The following CNTRL variants were observed in gnomAD, a reference collection of about 807,000 sequenced individuals.
CNTRL encodes centriolin, also known as 110 kDa centrosomal protein.
In CNTRL, 233 loss-of-function variants were observed where a neutral mutation model predicts 303.7. The ratio of observed to expected loss-of-function variants is 0.77; its 90% CI spans 0.69 to 0.86. The LOEUF (loss-of-function observed/expected upper bound fraction) is 0.86. Among genes scored for constraint, CNTRL ranks in the 40% least tolerant of loss-of-function variants. The pLI is 0.00. For missense variants in CNTRL, 2,524 were observed against 2,650.6 expected (o/e 0.95, Z 1.05); for synonymous variants, 900 against 922.2 (o/e 0.98, Z 0.44).
chr9:121,147,566 A>G (rs2051953190), intron 23 of CNTRL, among the ~76,000 whole-genome samples: 1 of 152,178 alleles, frequency 6.6e-6, no homozygotes, highest in Non-Finnish European at 1.5e-5. Context: ...AAAGGATGTT[A>G]AAGAGAAATG....
intron 22 of CNTRL, 32 bp downstream of exon 22, chr9:121,145,417 G>T: frequency 6.4e-7 from 1 of 1,555,984 alleles, no homozygotes; most frequent in African/African-American, 1.4e-5. Flanking sequence ...TTTGGCAGTG[G>T]TTTTGTAGTC....
At chr9:121,146,461 G>A (rs1342118348) in intron 23 of CNTRL, among the ~76,000 whole-genome samples, 1 of 152,180 alleles carries the variant, frequency 6.6e-6, no homozygotes, top group Non-Finnish European at 1.5e-5. Context: ...ATACTCGGGC[G>A]GTATGTGTTA....
intron 13 of CNTRL, among the ~76,000 whole-genome samples, chr9:121,124,793 T>G (rs1277843433): frequency 1.5e-5 from 2 of 133,228 alleles, no homozygotes; most frequent in Admixed American, 7.8e-5. Context: ...AAAAAAAAAA[T>G]TAGCCAGGCG....
chr9:121,146,525 C>T (rs911464465), intron 23 of CNTRL, among the ~76,000 whole-genome samples: 2 of 152,142 alleles, frequency 1.3e-5, no homozygotes, highest in African/African-American at 4.8e-5. Flanking sequence ...GCCCAGAGAG[C>T]CTGCTGAAAT....
chr9:121,158,665 G>A lies in CNTRL; in HGVS notation c.4765-190G>A, dbSNP rs780059519. ...TCTTACTGTGATCACTGTGATTTGA[G>A]TGGTTTTAAGTATGTGAGCTCAAGG... On this transcript the variant is annotated intron_variant, in intron 30 of 43. Coordinates refer to ENST00000373855, the MANE Select transcript of CNTRL (RefSeq NM_007018.6). 27 of 563,048 alleles carry A rather than the reference G, an allele frequency of 4.8e-5. No individual in the cohort carries two copies. The Admixed American group carries it at 6.2e-4, about 13-fold the overall frequency. 34.9% of individuals were successfully genotyped at this position (563,048 alleles called of 1,614,324 possible).
chr9:121,167,788 C>CAT, intron 37 of CNTRL, 111 bp downstream of exon 37: 1 of 905,160 alleles, frequency 1.1e-6, no homozygotes, highest in Non-Finnish European at 1.7e-6. Flanking sequence ...ACTATGTGTC[C>CAT]CTTAACTGCC....
chr9:121,107,141 C>G (rs1327636586), intron 7 of CNTRL, among the ~76,000 whole-genome samples: 1 of 152,074 alleles, frequency 6.6e-6, no homozygotes, highest in Non-Finnish European at 1.5e-5. Context: ...CAGGATAGGG[C>G]CTGGGCAGGC....
At chr9:121,090,506 G>A in intron 4 of CNTRL, 101 bp downstream of exon 4, 1 of 1,112,022 alleles carries the variant, frequency 9.0e-7, no homozygotes, top group South Asian at 1.6e-5. Context: ...ATTTGTGGCA[G>A]ACCTTTTATT....
intron 43 of CNTRL, among the ~76,000 whole-genome samples, chr9:121,176,933 T>A (rs78395314): frequency 3.5e-5 from 1 of 28,828 alleles, no homozygotes; most frequent in Non-Finnish European, 1.5e-4. Flanking sequence ...ATGTTACAGA[T>A]TTTTTTTTAA....
At chr9:121,145,143 A>G (rs1389454280) in intron 21 of CNTRL, 101 bp from the exon 22 acceptor site, 2 of 1,366,552 alleles carry the variant, frequency 1.5e-6, no homozygotes, top group African/African-American at 1.5e-5. Flanking sequence ...TCACTGGGAA[A>G]GTGTAAATAA....
chr9:121,102,740 C>A (rs7861262), intron 7 of CNTRL, among the ~76,000 whole-genome samples: 16,620 of 152,124 alleles, frequency 0.11, 2,261 homozygotes, highest in African/African-American at 0.32. Context: ...CACAAGCATT[C>A]CTATACACCA....
chr9:121,141,987 G>T, intron 18 of CNTRL, 104 bp from the exon 19 acceptor site: 2 of 904,168 alleles, frequency 2.2e-6, no homozygotes, highest in Non-Finnish European at 3.3e-6. Context: ...AAAAAATTAA[G>T]TTACAGCCTG....
At chr9:121,141,304 T>C in intron 17 of CNTRL, 77 bp from the exon 18 acceptor site, 2 of 1,168,964 alleles carry the variant, frequency 1.7e-6, no homozygotes, top group Admixed American at 3.6e-5. Context: ...ACTCTGGAGC[T>C]AAAGTTAATA....
At chr9:121,176,191 T>C (rs2053517037) in intron 43 of CNTRL, among the ~76,000 whole-genome samples, 1 of 152,222 alleles carries the variant, frequency 6.6e-6, no homozygotes, top group Non-Finnish European at 1.5e-5. Flanking sequence ...AGATAAGGAA[T>C]CTGTACAAAA....
intron 1 of CNTRL, among the ~76,000 whole-genome samples, chr9:121,079,318 T>A (rs1230172330): frequency 6.6e-6 from 1 of 152,056 alleles, no homozygotes; most frequent in African/African-American, 2.4e-5. Flanking sequence ...ATATGTATAG[T>A]TTAATATGAG....
At chr9:121,076,633 C>T (rs1438875725) in intron 1 of CNTRL, among the ~76,000 whole-genome samples, 2 of 151,808 alleles carry the variant, frequency 1.3e-5, no homozygotes, top group African/African-American at 4.8e-5. Flanking sequence ...ATGGGGGAGA[C>T]TATTACTGTG....
chr9:121,125,898 C>T lies in CNTRL; in HGVS notation c.1987C>T (p.Leu663=), dbSNP rs764741357. 2.5e-5 allele frequency: 41 copies of T among 1,614,024 alleles called. 1 individual carries two copies. The South Asian group carries it at 3.5e-4, about 14-fold the overall frequency. Residue 663 remains leucine (L), a synonymous_variant, in exon 14 of 44, where the codon CTG becomes TTG. Coordinates refer to ENST00000373855, the MANE Select transcript of CNTRL (RefSeq NM_007018.6). ...LTEVEQERDQ[L]EIVAMDAENM... ...AGAAGTCGAGCAGGAGAGAGACCAG[C>T]TGGAAATAGTTGCCATGGATGCAGA... is the stretch of plus-strand genomic sequence containing the variant.
At chr9:121,154,306 C>A (rs2052445506) in intron 26 of CNTRL, among the ~76,000 whole-genome samples, 1 of 152,138 alleles carries the variant, frequency 6.6e-6, no homozygotes, top group Admixed American at 6.5e-5. Flanking sequence ...TGGAATAAAT[C>A]ACAAAATCAG....
intron 27 of CNTRL, among the ~76,000 whole-genome samples, chr9:121,155,226 T>A (rs1161577744): frequency 6.6e-6 from 1 of 152,208 alleles, no homozygotes; most frequent in African/African-American, 2.4e-5. Context: ...GTCCTTATCC[T>A]GTGTGTATCT....
Sources: gnomAD v4.1 joint callset for allele counts (sites outside exome capture counted in the v4.1 genomes callset) on GRCh38, gnomAD v4.1.1 for gene constraint, MANE v1.5 for transcripts, NCBI Gene and HGNC (gene_info 2026-07-23, HGNC 2026-07-21) for gene names.